Variants in LARP1 observed in about 807,000 individuals in gnomAD.
LARP1 encodes la-related protein 1.
A neutral mutation model predicts 122.7 loss-of-function variants in LARP1; 36 were observed. The observed-to-expected ratio is 0.29, with a 90% CI of 0.22 to 0.39. The LOEUF (loss-of-function observed/expected upper bound fraction) is 0.39. Ranked by LOEUF, LARP1 falls within the 10% of genes least tolerant of loss-of-function variation. The pLI is 1.00. For synonymous variants in LARP1, 539 were observed against 528.7 expected, an observed-to-expected ratio of 1.02 and a Z score of -0.27; for missense variants, 1,040 against 1,403.6, an observed-to-expected ratio of 0.74 and a Z score of 4.14.
At chr5:154,684,625 G>A (rs530164590) in intron 1 of LARP1, among the ~76,000 whole-genome samples, 7 of 152,168 alleles carry the variant, frequency 4.6e-5, no homozygotes, top group Admixed American at 3.9e-4. Flanking sequence ...GCTGCATGAC[G>A]GCCAAGAGAA....
At chr5:154,683,930 C>G (rs1231435705) in intron 1 of LARP1, among the ~76,000 whole-genome samples, 1 of 152,106 alleles carries the variant, frequency 6.6e-6, no homozygotes, top group East Asian at 1.9e-4. Flanking sequence ...CACAGTCTTT[C>G]CCTTGGAGTG....
Position 154,811,503 on chromosome 5 carries a change from C to T in LARP1, c.2954-10C>T. 1 of 1,614,234 alleles carries T rather than the reference C, an allele frequency of 6.2e-7. No individual in the cohort carries two copies. The highest frequency in any genetic ancestry group is 8.5e-7 in the Non-Finnish European group (1 of 1,180,042). On this transcript the variant is annotated splice_polypyrimidine_tract_variant and intron_variant, in intron 17 of 18. Coordinates refer to ENST00000518297, the MANE Select transcript of LARP1 (RefSeq NM_033551.3). Reference sequence around the variant, plus strand: ...TCACCAGCTCAGCTTTTCTGTACCTCTCCCTACAGGCCAACTGTATGGGCT... The same window carrying T: ...TCACCAGCTCAGCTTTTCTGTACCTTTCCCTACAGGCCAACTGTATGGGCT...
intron 1 of LARP1, among the ~76,000 whole-genome samples, chr5:154,691,409 C>G (rs1340646327): frequency 6.6e-6 from 1 of 152,244 alleles, no homozygotes; most frequent in African/African-American, 2.4e-5. Flanking sequence ...TGGCCCTTTC[C>G]CCCGTCTCTG....
upstream of LARP1, among the ~76,000 whole-genome samples, chr5:154,708,249 C>T (rs1378445072): frequency 6.6e-6 from 1 of 152,178 alleles, no homozygotes; most frequent in African/African-American, 2.4e-5. Context: ...TCGTCGCCCC[C>T]ATAATTCCAG....
upstream of LARP1, among the ~76,000 whole-genome samples, chr5:154,752,070 A>C (rs552410116): frequency 4.6e-5 from 7 of 152,248 alleles, no homozygotes; most frequent in South Asian, 2.1e-4. Context: ...TTGGCCTTTC[A>C]AAGTGTTAGG....
intron 1 of LARP1, among the ~76,000 whole-genome samples, chr5:154,705,465 C>T (rs1424817226): frequency 6.6e-6 from 1 of 151,958 alleles, no homozygotes; most frequent in East Asian, 1.9e-4. Flanking sequence ...CTCTGCCTCC[C>T]AGGTTCAAGG....
At chr5:154,706,670 C>T (rs554688684) in intron 1 of LARP1, among the ~76,000 whole-genome samples, 2 of 150,892 alleles carry the variant, frequency 1.3e-5, no homozygotes, top group East Asian at 3.9e-4. Flanking sequence ...TCACAATTTA[C>T]GTATATAACA....
intron 1 of LARP1, among the ~76,000 whole-genome samples, chr5:154,720,740 C>A (rs756735302): frequency 8.5e-5 from 13 of 152,052 alleles, no homozygotes; most frequent in East Asian, 5.8e-4. Flanking sequence ...AGAAAAAATT[C>A]TTTCCTTCCA....
At chr5:154,781,852 A>G (rs1756476846) in intron 1 of LARP1, among the ~76,000 whole-genome samples, 1 of 152,162 alleles carries the variant, frequency 6.6e-6, no homozygotes, top group Non-Finnish European at 1.5e-5. Context: ...GGAAGGCAAA[A>G]GATTGGACAC....
intron 1 of LARP1, among the ~76,000 whole-genome samples, chr5:154,689,424 C>T (rs1754087299): frequency 6.6e-6 from 1 of 151,720 alleles, no homozygotes; most frequent in African/African-American, 2.4e-5. Context: ...GCACTCCAGC[C>T]CAAACGACAG....
chr5:154,760,643 A>G (rs1754375052), intron 1 of LARP1, among the ~76,000 whole-genome samples: 1 of 152,196 alleles, frequency 6.6e-6, no homozygotes, highest in Non-Finnish European at 1.5e-5. Context: ...CCTAAATCTA[A>G]CAGAACCATA....
intron 1 of LARP1, among the ~76,000 whole-genome samples, chr5:154,738,206 C>A (rs965902690): frequency 6.6e-6 from 1 of 152,236 alleles, no homozygotes; most frequent in Non-Finnish European, 1.5e-5. Flanking sequence ...GTGCATCTCA[C>A]CACACTGAAT....
intron 1 of LARP1, among the ~76,000 whole-genome samples, chr5:154,724,182 C>T (rs1437542929): frequency 6.6e-6 from 1 of 152,234 alleles, no homozygotes; most frequent in Non-Finnish European, 1.5e-5. Flanking sequence ...GTTTACTATA[C>T]TAATCCTTCC....
chr5:154,733,931 G>A (rs1162960880), intron 1 of LARP1, among the ~76,000 whole-genome samples: 1 of 151,856 alleles, frequency 6.6e-6, no homozygotes, highest in Non-Finnish European at 1.5e-5. Context: ...TTTGGGAGGC[G>A]GAGGCGGGTG....
chr5:154,731,463 C>T (rs115636333), intron 1 of LARP1, among the ~76,000 whole-genome samples: 4 of 152,108 alleles, frequency 2.6e-5, no homozygotes, highest in South Asian at 2.1e-4. Context: ...TTATACACCC[C>T]CTAGAGCAAA....
At chr5:154,729,020 G>A (rs950620040) in intron 1 of LARP1, among the ~76,000 whole-genome samples, 4 of 152,156 alleles carry the variant, frequency 2.6e-5, no homozygotes, top group African/African-American at 4.8e-5. Flanking sequence ...GCACTTGAGA[G>A]GGATTCTTGG....
At chr5:154,698,099 A>G (rs1036772760) in intron 1 of LARP1, among the ~76,000 whole-genome samples, 4 of 152,148 alleles carry the variant, frequency 2.6e-5, no homozygotes, top group Non-Finnish European at 5.9e-5. Flanking sequence ...AGCAAGTCGT[A>G]CACTTTGTAT....
At chr5:154,782,405 C>T (rs1262078091) in intron 1 of LARP1, among the ~76,000 whole-genome samples, 2 of 152,128 alleles carry the variant, frequency 1.3e-5, no homozygotes, top group African/African-American at 4.8e-5. Flanking sequence ...CTGGTACCAG[C>T]AGTGGGAGTG....
intron 1 of LARP1, among the ~76,000 whole-genome samples, chr5:154,683,987 C>T (rs976466313): frequency 6.6e-6 from 1 of 152,148 alleles, no homozygotes; most frequent in Non-Finnish European, 1.5e-5. Context: ...GAACAGTTGG[C>T]CAATCTGGTA....
Sources: gnomAD v4.1 joint callset for allele counts (sites outside exome capture counted in the v4.1 genomes callset) on GRCh38, gnomAD v4.1.1 for gene constraint, MANE v1.5 for transcripts, NCBI Gene and HGNC (gene_info 2026-07-23, HGNC 2026-07-21) for gene names.